The following GRID2 variants were observed in gnomAD, a reference collection of about 807,000 sequenced individuals.
The protein encoded by GRID2 is glutamate receptor ionotropic, delta-2.
A neutral mutation model predicts 114.8 loss-of-function variants in GRID2; 33 were observed. The observed-to-expected ratio is 0.29, with a 90% CI of 0.22 to 0.38. The LOEUF (loss-of-function observed/expected upper bound fraction) is 0.38, where lower values mean the gene tolerates loss of function less well. Ranked by LOEUF, GRID2 falls within the 10% of genes least tolerant of loss-of-function variation. GRID2 has a pLI of 1.00. For missense variants in GRID2, 1,184 were observed against 1,257.7 expected, an observed-to-expected ratio of 0.94 and a Z score of 0.89; for synonymous variants, 505 against 449.9, an observed-to-expected ratio of 1.12 and a Z score of -1.55.
chr4:93,753,595 T>C (rs1490726484), intron 14 of GRID2, among the ~76,000 whole-genome samples: 1 of 152,176 alleles, frequency 6.6e-6, no homozygotes, highest in African/African-American at 2.4e-5. Context: ...CATGCGGTGT[T>C]TGGTTTTCTG....
chr4:92,366,055 T>C (rs1042132470), intron 1 of GRID2, among the ~76,000 whole-genome samples: 2 of 152,132 alleles, frequency 1.3e-5, no homozygotes, highest in Admixed American at 6.6e-5. Flanking sequence ...ACTATGTACT[T>C]CCCTTGTACT....
Position 92,593,228 on chromosome 4 carries a change from T to C in GRID2, c.244+2942T>C, listed in dbSNP as rs553911271. Among the ~76,000 whole-genome samples the C allele has an allele frequency of 2.6e-5, 4 of 152,118 alleles. No individual in the cohort carries two copies. In the East Asian group the frequency reaches 7.7e-4, roughly 29 times the overall value. ...GCATCATCAAACATATAGATAGTAA[T>C]AATGACAAATGATAATAGGGATCAC... is the stretch of plus-strand genomic sequence containing the variant. On this transcript the variant is annotated intron_variant, in intron 2 of 15. Transcript: ENST00000282020.
chr4:93,294,865 T>C (rs761208327), intron 8 of GRID2, among the ~76,000 whole-genome samples: 4 of 152,154 alleles, frequency 2.6e-5, no homozygotes, highest in Non-Finnish European at 5.9e-5. Flanking sequence ...CAGTTCGTAC[T>C]TTGGAACAGG....
intron 2 of GRID2, among the ~76,000 whole-genome samples, chr4:92,709,589 A>AAAAAT (rs779775767): frequency 6.8e-4 from 78 of 114,622 alleles, no homozygotes; most frequent in Middle Eastern, 5.1e-3. Context: ...AAAAAAAAAA[A>AAAAAT]ATATATATAT....
At chr4:92,454,488 G>A (rs1251170880) in intron 1 of GRID2, among the ~76,000 whole-genome samples, 2 of 152,174 alleles carry the variant, frequency 1.3e-5, no homozygotes, top group African/African-American at 4.8e-5. Context: ...TCTGAAAAAT[G>A]TTAGGTGAAT....
At chr4:93,369,678 A>G (rs1307203704) in intron 8 of GRID2, among the ~76,000 whole-genome samples, 1 of 152,054 alleles carries the variant, frequency 6.6e-6, no homozygotes, top group Non-Finnish European at 1.5e-5. Context: ...TTGTAGAGAC[A>G]GGGTCTCTCT....
At chr4:92,653,645 A>G (rs1732087456) in intron 2 of GRID2, among the ~76,000 whole-genome samples, 1 of 152,076 alleles carries the variant, frequency 6.6e-6, no homozygotes, top group Non-Finnish European at 1.5e-5. Context: ...CATTGATTTT[A>G]ATGAGGACCT....
chr4:93,156,489 A>G lies in GRID2; in HGVS notation c.735+45536A>G, dbSNP rs150757185. Among the ~76,000 whole-genome samples, 136 of 151,980 alleles carry G rather than the reference A, an allele frequency of 8.9e-4. 3 individuals are homozygous for G. In the South Asian group the frequency reaches 0.019, roughly 21 times the overall value. On this transcript the variant is annotated intron_variant, in intron 4 of 15. Coordinates refer to ENST00000282020, the MANE Select transcript of GRID2 (RefSeq NM_001510.4). ...TGCTCAAATGTCATAGCTGATAGAA[A>G]GAAAGAAGAAGATTCACAGGCCCTT...
chr4:92,508,107 A>G (rs28429849), intron 1 of GRID2, among the ~76,000 whole-genome samples: 35,608 of 151,808 alleles, frequency 0.23, 4,514 homozygotes, highest in Non-Finnish European at 0.28. Context: ...AAAATAGACT[A>G]TTTTTCCTAG....
In GRID2 at chr4:93,064,788, C is replaced by T. The variant is rs116050671; in HGVS notation, c.245-20207C>T. On this transcript the variant is annotated intron_variant, in intron 2 of 15. Transcript: ENST00000282020. ...CCAAATAGTTGGTGTCAGTCTTCTA[C>T]GTATATTAGCATATGTTTAATGACA... Among the ~76,000 whole-genome samples the T allele has an allele frequency of 8.9e-3, 1,349 of 151,934 alleles. 28 individuals are homozygous for T. Among genetic ancestry groups the T allele is most frequent in the African/African-American group, 0.031 (1,287 of 41,526 alleles).
At chr4:93,258,299 A>T (rs1484403834) in intron 8 of GRID2, among the ~76,000 whole-genome samples, 1 of 151,664 alleles carries the variant, frequency 6.6e-6, no homozygotes, top group Non-Finnish European at 1.5e-5. Flanking sequence ...AAAAATGACA[A>T]TGATAAAAAC....
intron 2 of GRID2, among the ~76,000 whole-genome samples, chr4:92,721,561 T>C (rs1735810104): frequency 2.0e-5 from 3 of 152,024 alleles, no homozygotes. Flanking sequence ...AAGAGAAAAG[T>C]ACTAAAAAGA....
intron 2 of GRID2, among the ~76,000 whole-genome samples, chr4:93,018,238 AC>A (rs1722960162): frequency 7.3e-6 from 1 of 136,464 alleles, no homozygotes; most frequent in Non-Finnish European, 1.6e-5. Flanking sequence ...AAAAAAAAAA[AC>A]CTACAAGGAA....
chr4:93,791,239 G>C (rs1734688618), intron 1 of GRID2, among the ~76,000 whole-genome samples: 1 of 152,106 alleles, frequency 6.6e-6, no homozygotes, highest in African/African-American at 2.4e-5. Context: ...TCAGATTTTG[G>C]AAGTATACAT....
rs573320469 is a variant in GRID2, at chr4:93,605,398, T to C, written c.2194-20871T>C. ...GAGTCATACCTACACTTTTTGAATC[T>C]TTTGGTATCTATGCTACTTAAACCA... On this transcript the variant is annotated intron_variant, in intron 13 of 15. Transcript: ENST00000282020. Among the ~76,000 whole-genome samples, 22 of 152,296 alleles carry C rather than the reference T, an allele frequency of 1.4e-4. 2 individuals carry two copies. The highest frequency in any genetic ancestry group is 4.6e-4 in the African/African-American group (19 of 41,570).
intron 8 of GRID2, among the ~76,000 whole-genome samples, chr4:93,238,728 C>A (rs192944047): frequency 6.6e-6 from 1 of 151,698 alleles, no homozygotes. Context: ...CTGAATCTTA[C>A]CTAGGGAAAT....
intron 1 of GRID2, among the ~76,000 whole-genome samples, chr4:92,436,641 C>T (rs1347497710): frequency 3.9e-5 from 6 of 151,930 alleles, no homozygotes; most frequent in Admixed American, 3.9e-4. Context: ...TAATACATTG[C>T]ATCATAATGG....
chr4:92,544,809 G>T (rs1294172171), intron 1 of GRID2, among the ~76,000 whole-genome samples: 1 of 151,970 alleles, frequency 6.6e-6, no homozygotes, highest in Non-Finnish European at 1.5e-5. Flanking sequence ...AAATACACAC[G>T]TAGTCCTCTT....
At chr4:93,271,696 A>T (rs1183926037) in intron 8 of GRID2, among the ~76,000 whole-genome samples, 1 of 152,200 alleles carries the variant, frequency 6.6e-6, no homozygotes, top group Admixed American at 6.5e-5. Context: ...ACCTGTCTAA[A>T]TTTTTTGAAA....
Sources: allele counts gnomAD v4.1 joint callset (sites outside exome capture counted in the v4.1 genomes callset), GRCh38; gene constraint gnomAD v4.1.1; transcripts MANE v1.5; gene names NCBI Gene and HGNC (gene_info 2026-07-23, HGNC 2026-07-21).